The following SPATS2 variants were observed in gnomAD, a reference collection of about 807,000 sequenced individuals.
SPATS2 encodes the protein spermatogenesis-associated serine-rich protein 2.
A neutral mutation model predicts 63.7 loss-of-function variants in SPATS2; 38 were observed. The observed-to-expected ratio is 0.60, with a 90% CI of 0.46 to 0.78. SPATS2 has a LOEUF of 0.78. SPATS2 is among the 30% of genes least tolerant of loss of function. The pLI is 0.00. For missense variants in SPATS2, 588 were observed against 666.2 expected, an observed-to-expected ratio of 0.88 and a Z score of 1.29; for synonymous variants, 207 against 232.9, an observed-to-expected ratio of 0.89 and a Z score of 1.01.
At chr12:49,403,007 G>C (rs1032075726) in intron 2 of SPATS2, among the ~76,000 whole-genome samples, 1 of 152,168 alleles carries the variant, frequency 6.6e-6, no homozygotes, top group Admixed American at 6.5e-5. Context: ...CAGGGGATAT[G>C]ATGCAAAGAT....
intron 4 of SPATS2, among the ~76,000 whole-genome samples, chr12:49,486,780 A>G (rs1946301893): frequency 6.9e-6 from 1 of 145,536 alleles, no homozygotes; most frequent in Non-Finnish European, 1.5e-5. Context: ...GACTCCGTCA[A>G]AAAAAAAAAA....
intron 3 of SPATS2, among the ~76,000 whole-genome samples, chr12:49,467,112 A>T (rs757923279): frequency 5.6e-5 from 8 of 141,642 alleles, no homozygotes; most frequent in African/African-American, 1.6e-4. Context: ...GCAGCAGCAC[A>T]ATCTCGGCTG....
chr12:49,371,631 T>A (rs989651934), intron 2 of SPATS2, among the ~76,000 whole-genome samples: 6 of 152,172 alleles, frequency 3.9e-5, no homozygotes, highest in Non-Finnish European at 7.3e-5. Context: ...GGCTCATGGT[T>A]CTGCAGGCTG....
Position 49,367,540 on chromosome 12 carries a change from C to T in SPATS2, c.-354C>T, listed in dbSNP as rs903143382. On this transcript the variant is annotated 5_prime_UTR_variant, in exon 1 of 14. Coordinates refer to ENST00000552918, the MANE Select transcript of SPATS2 (RefSeq NM_023071.4). Reference sequence around the variant, plus strand: ...CTCAGACCCGGGAGCGTCCGGGACGCGGAGCCCGGAGCTGGGGCGACGAGG... The same window carrying T: ...CTCAGACCCGGGAGCGTCCGGGACGTGGAGCCCGGAGCTGGGGCGACGAGG... 5.0e-6 allele frequency: 2 copies of T among 397,338 alleles called. No individual in the cohort carries two copies. Among genetic ancestry groups the T allele is most frequent in the Non-Finnish European group, 4.4e-6 (1 of 225,844 alleles). 24.6% of individuals were successfully genotyped at this position (397,338 alleles called of 1,614,324 possible).
chr12:49,489,846 A>G (rs1473264549), intron 5 of SPATS2, among the ~76,000 whole-genome samples: 1 of 152,190 alleles, frequency 6.6e-6, no homozygotes, highest in African/African-American at 2.4e-5. Context: ...GGTATAAGGG[A>G]CTTGATTGGA....
intron 2 of SPATS2, among the ~76,000 whole-genome samples, chr12:49,391,194 A>G (rs1194276497): frequency 1.3e-5 from 2 of 152,196 alleles, no homozygotes; most frequent in East Asian, 3.8e-4. Context: ...GTGGATTTAG[A>G]AGTATTTGTT....
In SPATS2 at chr12:49,519,120, A is replaced by G. The variant is rs773226066; in HGVS notation, c.946A>G (p.Met316Val). The change falls in exon 11 of 14, where the codon ATG becomes GTG. Residue 316 changes from methionine to valine, a missense_variant. Transcript: ENST00000552918. ...AAAGAAGGCTGAACTTCTAAAGAAG[A>G]TGACTCATGTGGCTGTTCAAATGTC... ...RQKKAELLKK[M>V]THVAVQMSEQ... The G allele has an allele frequency of 6.2e-7, 1 of 1,614,150 alleles. No homozygotes were observed. Among genetic ancestry groups the G allele is most frequent in the Non-Finnish European group, 8.5e-7 (1 of 1,180,000 alleles).
intron 2 of SPATS2, among the ~76,000 whole-genome samples, chr12:49,388,933 G>T (rs935000789): frequency 6.6e-6 from 1 of 151,952 alleles, no homozygotes; most frequent in Non-Finnish European, 1.5e-5. Context: ...GTCTCAAGCA[G>T]TCCTCTCACA....
At chr12:49,400,554 G>A (rs1372797170) in intron 2 of SPATS2, among the ~76,000 whole-genome samples, 1 of 152,170 alleles carries the variant, frequency 6.6e-6, no homozygotes, top group Non-Finnish European at 1.5e-5. Context: ...TGGTGTTCAA[G>A]TGGAGGAGTT....
chr12:49,464,985 G>C (rs915693736), intron 3 of SPATS2, among the ~76,000 whole-genome samples: 4 of 152,150 alleles, frequency 2.6e-5, no homozygotes, highest in Admixed American at 2.6e-4. Flanking sequence ...GTACAATATA[G>C]ATATTATGTC....
intron 4 of SPATS2, 66 bp downstream of exon 4, chr12:49,484,735 A>G: frequency 7.3e-7 from 1 of 1,376,966 alleles, no homozygotes; most frequent in Non-Finnish European, 1.0e-6. Flanking sequence ...TAATACGACT[A>G]GTGGCTACCA....
At chr12:49,437,433 C>T (rs1196678556) in intron 2 of SPATS2, among the ~76,000 whole-genome samples, 1 of 152,118 alleles carries the variant, frequency 6.6e-6, no homozygotes, top group African/African-American at 2.4e-5. Flanking sequence ...GGGTGGTGGC[C>T]GGGCAGAGGC....
Position 49,519,160 on chromosome 12 carries a change from T to G in SPATS2, c.986T>G (p.Val329Gly). ...VAVQMSEQQL[V>G]ELRADIKHFV... ...GTTCAAATGTCAGAGCAGCAATTGG[T>G]TGAGCTCAGAGCTGATATCAAGGTA... The change falls in exon 11 of 14, where the codon GTT becomes GGT. Residue 329 changes from valine to glycine, a missense_variant. Coordinates refer to ENST00000552918, the MANE Select transcript of SPATS2 (RefSeq NM_023071.4). 2.5e-6 allele frequency: 4 copies of G among 1,614,062 alleles called. No individual in the cohort carries two copies. Among genetic ancestry groups the G allele is most frequent in the Non-Finnish European group, 3.4e-6 (4 of 1,179,948 alleles).
At chr12:49,506,305 G>GTAAT (rs1592468050) in intron 9 of SPATS2, among the ~76,000 whole-genome samples, 1 of 138,566 alleles carries the variant, frequency 7.2e-6, no homozygotes, top group East Asian at 1.9e-4. Flanking sequence ...TCAAGACTGG[G>GTAAT]TAATTTATCA....
intron 3 of SPATS2, chr12:49,469,565 G>GA: frequency 8.8e-6 from 3 of 341,504 alleles, no homozygotes; most frequent in Non-Finnish European, 1.7e-5. Context: ...AAAAAAAAAA[G>GA]AAAAAACAAA....
intron 2 of SPATS2, among the ~76,000 whole-genome samples, chr12:49,394,240 A>G (rs1467005284): frequency 3.4e-5 from 5 of 148,900 alleles, no homozygotes; most frequent in African/African-American, 1.2e-4. Flanking sequence ...TGGGAGGCTG[A>G]GGTGGGAGGG....
intron 2 of SPATS2, among the ~76,000 whole-genome samples, chr12:49,437,299 C>T (rs1195786617): frequency 9.9e-5 from 15 of 151,732 alleles, no homozygotes; most frequent in Non-Finnish European, 1.8e-4. Flanking sequence ...CTCCTCACTT[C>T]CTAGATGGGA....
chr12:49,511,358 G>A (rs765468953), intron 9 of SPATS2, among the ~76,000 whole-genome samples: 2 of 152,094 alleles, frequency 1.3e-5, no homozygotes, highest in African/African-American at 4.8e-5. Flanking sequence ...TTGAAGAAAG[G>A]ATATGGAAAT....
intron 9 of SPATS2, among the ~76,000 whole-genome samples, chr12:49,506,722 C>T (rs906327289): frequency 6.6e-6 from 1 of 151,978 alleles, no homozygotes; most frequent in African/African-American, 2.4e-5. Flanking sequence ...TGACACGTGC[C>T]CATAGTCCAG....
Sources: allele counts gnomAD v4.1 joint callset (sites outside exome capture counted in the v4.1 genomes callset), GRCh38; gene constraint gnomAD v4.1.1; transcripts MANE v1.5; gene names NCBI Gene and HGNC (gene_info 2026-07-23, HGNC 2026-07-21).